Variants in CDH12 observed in about 807,000 individuals in gnomAD.
CDH12 encodes the protein cadherin 12.
A neutral mutation model predicts 74.1 loss-of-function variants in CDH12; 41 were observed. That is an observed-to-expected ratio of 0.55 (90% CI 0.43 to 0.72). The LOEUF is 0.72. Among genes scored for constraint, CDH12 ranks in the 30% least tolerant of loss-of-function variants. The probability of loss-of-function intolerance (pLI) is 0.00; values close to 1 mark genes in which losing one functional copy is unlikely to be tolerated. For synonymous variants in CDH12, 399 were observed against 355.0 expected (o/e 1.12, Z -1.39); for missense variants, 945 against 977.2 (o/e 0.97, Z 0.44).
At chr5:22,484,386 A>T (rs1207064454) in intron 2 of CDH12, among the ~76,000 whole-genome samples, 1 of 152,186 alleles carries the variant, frequency 6.6e-6, no homozygotes, top group East Asian at 1.9e-4. Context: ...AAGAGAGTAG[A>T]CACAGCTTTA....
chr5:22,153,858 G>GTGTGTGTA (rs1747787347), intron 4 of CDH12, among the ~76,000 whole-genome samples: 1 of 103,264 alleles, frequency 9.7e-6, no homozygotes, highest in African/African-American at 4.0e-5. Flanking sequence ...ATGTGTGTGT[G>GTGTGTGTA]TATATATATA....
intron 1 of CDH12, among the ~76,000 whole-genome samples, chr5:22,562,529 A>G (rs1739100767): frequency 6.6e-6 from 1 of 152,116 alleles, no homozygotes; most frequent in Admixed American, 6.5e-5. Context: ...AGAAAAGCCC[A>G]TATCAGAAAA....
chr5:22,490,633 G>A (rs2126639724), intron 2 of CDH12, among the ~76,000 whole-genome samples: 1 of 151,726 alleles, frequency 6.6e-6, no homozygotes. Flanking sequence ...AAAGATTACT[G>A]ATCTTTAATC....
intron 1 of CDH12, among the ~76,000 whole-genome samples, chr5:22,775,615 C>T (rs577565796): frequency 1.5e-3 from 232 of 151,806 alleles, no homozygotes; most frequent in African/African-American, 5.2e-3. Context: ...TTTTCCTTTT[C>T]GGTGAGATTA....
chr5:22,176,838 C>T (rs1749359821), intron 4 of CDH12, among the ~76,000 whole-genome samples: 5 of 152,076 alleles, frequency 3.3e-5, no homozygotes, highest in Admixed American at 3.3e-4. Flanking sequence ...TTCACTTCCT[C>T]CTGTATCACC....
At chr5:22,530,324 T>C (rs1172747590) in intron 1 of CDH12, among the ~76,000 whole-genome samples, 1 of 152,158 alleles carries the variant, frequency 6.6e-6, no homozygotes, top group Non-Finnish European at 1.5e-5. Flanking sequence ...TTAATCTACA[T>C]GAATTTTACA....
chr5:21,879,871 C>T (rs1019332598), intron 6 of CDH12, among the ~76,000 whole-genome samples: 10 of 152,044 alleles, frequency 6.6e-5, no homozygotes, highest in African/African-American at 1.2e-4. Flanking sequence ...CAAGAGGATT[C>T]GGAATATTAA....
intron 6 of CDH12, among the ~76,000 whole-genome samples, chr5:21,934,387 T>C (rs542982931): frequency 3.9e-5 from 6 of 152,318 alleles, no homozygotes; most frequent in African/African-American, 4.8e-5. Context: ...ATGTAATATG[T>C]GATAATATGT....
At chr5:22,602,024 G>C (rs899873445) in intron 1 of CDH12, among the ~76,000 whole-genome samples, 6 of 152,002 alleles carry the variant, frequency 3.9e-5, no homozygotes, top group Non-Finnish European at 5.9e-5. Context: ...AAGATTTAAA[G>C]TACTTATTTT....
intron 8 of CDH12, among the ~76,000 whole-genome samples, chr5:21,825,189 T>A (rs190879749): frequency 1.5e-4 from 22 of 151,266 alleles, no homozygotes; most frequent in Admixed American, 6.6e-4. Context: ...TAACAAAATA[T>A]CTTCCTATGA....
intron 2 of CDH12, among the ~76,000 whole-genome samples, chr5:22,484,177 A>T (rs1746496882): frequency 6.6e-6 from 1 of 152,130 alleles, no homozygotes; most frequent in Admixed American, 6.5e-5. Flanking sequence ...TTTCTAAAAA[A>T]CAGTATTTAT....
chr5:22,847,503 G>T (rs1256205376), intron 1 of CDH12, among the ~76,000 whole-genome samples: 1 of 152,102 alleles, frequency 6.6e-6, no homozygotes, highest in Non-Finnish European at 1.5e-5. Context: ...TAGTGCTGAT[G>T]ATAGCACCCC....
chr5:22,701,857 G>A (rs1166752313), intron 1 of CDH12, among the ~76,000 whole-genome samples: 1 of 152,136 alleles, frequency 6.6e-6, no homozygotes, highest in Non-Finnish European at 1.5e-5. Context: ...AAAATGTTGT[G>A]CTTTTGTTAG....
chr5:22,503,986 C>A (rs1235332121), intron 2 of CDH12, among the ~76,000 whole-genome samples: 1 of 151,998 alleles, frequency 6.6e-6, no homozygotes, highest in Non-Finnish European at 1.5e-5. Flanking sequence ...GTGTTCACTT[C>A]TCTTATTCTA....
intron 5 of CDH12, among the ~76,000 whole-genome samples, chr5:22,000,746 A>G (rs1454495816): frequency 6.6e-6 from 1 of 152,134 alleles, no homozygotes; most frequent in Non-Finnish European, 1.5e-5. Context: ...GTGCACAAAT[A>G]TTTTACGTGC....
intron 3 of CDH12, among the ~76,000 whole-genome samples, chr5:22,366,032 C>T (rs1741017038): frequency 6.6e-6 from 1 of 152,100 alleles, no homozygotes; most frequent in Admixed American, 6.5e-5. Flanking sequence ...GATCTTGGCT[C>T]ACTGCAACCC....
chr5:22,314,137 G>A (rs960764159), intron 3 of CDH12, among the ~76,000 whole-genome samples: 1 of 152,142 alleles, frequency 6.6e-6, no homozygotes, highest in African/African-American at 2.4e-5. Flanking sequence ...CTTGAGATGT[G>A]TGTTATATAT....
intron 4 of CDH12, among the ~76,000 whole-genome samples, chr5:22,167,134 G>A (rs1748730622): frequency 6.6e-6 from 1 of 152,162 alleles, no homozygotes; most frequent in Non-Finnish European, 1.5e-5. Context: ...AGAAAAGAGA[G>A]ACCTCAATTT....
intron 5 of CDH12, among the ~76,000 whole-genome samples, chr5:22,016,729 T>C (rs2150157337): frequency 6.6e-6 from 1 of 152,186 alleles, no homozygotes; most frequent in South Asian, 2.1e-4. Flanking sequence ...CTTCACTCAG[T>C]ATAAGAATAT....
Sources: allele counts gnomAD v4.1 joint callset (sites outside exome capture counted in the v4.1 genomes callset), GRCh38; gene constraint gnomAD v4.1.1; transcripts MANE v1.5; gene names NCBI Gene and HGNC (gene_info 2026-07-23, HGNC 2026-07-21).